BBS9: variants seen among roughly 807,000 people sequenced by gnomAD.
BBS9 encodes protein PTHB1.
Under a neutral mutation model 117.7 loss-of-function variants are expected in BBS9, and 89 were observed. That is an observed-to-expected ratio of 0.76 (90% CI 0.64 to 0.90). The LOEUF is 0.90. Among genes scored for constraint, BBS9 ranks in the 40% least tolerant of loss-of-function variants. The pLI is 0.00. For missense variants in BBS9, 982 were observed against 1,042.2 expected (o/e 0.94, Z 0.80); for synonymous variants, 379 against 370.9 (o/e 1.02, Z -0.25).
intron 19 of BBS9, among the ~76,000 whole-genome samples, chr7:33,413,801 C>G (rs943591487): frequency 6.6e-6 from 1 of 152,162 alleles, no homozygotes; most frequent in Non-Finnish European, 1.5e-5. Flanking sequence ...GCAGGCAGAT[C>G]ACCTGAGGTC....
chr7:33,555,620 T>C (rs1455572473), intron 21 of BBS9, among the ~76,000 whole-genome samples: 1 of 152,082 alleles, frequency 6.6e-6, no homozygotes, highest in African/African-American at 2.4e-5. Flanking sequence ...GATTTGGTAG[T>C]TGATTGGAGA....
chr7:33,622,371 A>T (rs79507572), intron 21 of BBS9, among the ~76,000 whole-genome samples: 2,374 of 152,258 alleles, frequency 0.016, 69 homozygotes, highest in African/African-American at 0.054. Flanking sequence ...TGGTTGAAGC[A>T]TACCAAGTTT....
chr7:33,553,469 C>G (rs1854783521), intron 21 of BBS9, among the ~76,000 whole-genome samples: 1 of 152,134 alleles, frequency 6.6e-6, no homozygotes, highest in African/African-American at 2.4e-5. Context: ...TCTGCTGTCT[C>G]CCTCCCATTT....
intron 12 of BBS9, among the ~76,000 whole-genome samples, chr7:33,345,752 C>T (rs1424368030): frequency 6.6e-6 from 1 of 152,156 alleles, no homozygotes; most frequent in African/African-American, 2.4e-5. Context: ...ATGATTTGTA[C>T]TTTTGTATAG....
chr7:33,319,393 T>A (rs1039327540), intron 9 of BBS9, among the ~76,000 whole-genome samples: 2 of 152,184 alleles, frequency 1.3e-5, no homozygotes. Flanking sequence ...TGACTTCTTT[T>A]CCTCTGGGTA....
chr7:33,144,946 G>T (rs4720104), intron 1 of BBS9, among the ~76,000 whole-genome samples: 1 of 152,100 alleles, frequency 6.6e-6, no homozygotes, highest in Non-Finnish European at 1.5e-5. Context: ...CATGAAATTA[G>T]ATAAGGTTAG....
intron 20 of BBS9, among the ~76,000 whole-genome samples, chr7:33,511,621 C>T (rs1484144076): frequency 6.6e-6 from 1 of 152,138 alleles, no homozygotes; most frequent in Admixed American, 6.6e-5. Context: ...TAAAAATCCC[C>T]TGGGAAAGTT....
intron 9 of BBS9, among the ~76,000 whole-genome samples, chr7:33,292,639 G>T (rs1804302787): frequency 6.6e-6 from 1 of 152,124 alleles, no homozygotes; most frequent in Admixed American, 6.6e-5. Flanking sequence ...GGTGATAATT[G>T]CAATTTGAAC....
At chr7:33,493,496 T>C (rs1844304650) in intron 19 of BBS9, among the ~76,000 whole-genome samples, 1 of 152,188 alleles carries the variant, frequency 6.6e-6, no homozygotes, top group African/African-American at 2.4e-5. Context: ...CCTCTCTCCC[T>C]GATTCTAATG....
chr7:33,574,328 A>C (rs1243097462), intron 21 of BBS9, among the ~76,000 whole-genome samples: 2 of 152,132 alleles, frequency 1.3e-5, no homozygotes, highest in Non-Finnish European at 2.9e-5. Flanking sequence ...GGTCAGTGGT[A>C]AGCAGCAGAT....
At chr7:33,378,560 T>C (rs1016189729) in intron 17 of BBS9, among the ~76,000 whole-genome samples, 8 of 152,166 alleles carry the variant, frequency 5.3e-5, no homozygotes, top group African/African-American at 1.9e-4. Context: ...CCTGTTGAGG[T>C]AATCCAAATT....
chr7:33,177,044 AG>A (rs1216532742), intron 4 of BBS9, among the ~76,000 whole-genome samples: 1 of 152,104 alleles, frequency 6.6e-6, no homozygotes, highest in East Asian at 1.9e-4. Flanking sequence ...ATATTTTGAG[AG>A]TTGGGGTAGG....
intron 10 of BBS9, among the ~76,000 whole-genome samples, chr7:33,337,977 A>G (rs1421144850): frequency 6.6e-6 from 1 of 151,948 alleles, no homozygotes; most frequent in Non-Finnish European, 1.5e-5. Flanking sequence ...AAAATCCCTT[A>G]CAGCTAAAAG....
chr7:33,191,408 A>G (rs989344275), intron 5 of BBS9, among the ~76,000 whole-genome samples: 4 of 152,218 alleles, frequency 2.6e-5, no homozygotes, highest in Non-Finnish European at 4.4e-5. Flanking sequence ...GTTCTGTAGC[A>G]TTAATGAAAG....
At chr7:33,546,996 T>C (rs982737731) in intron 21 of BBS9, among the ~76,000 whole-genome samples, 1 of 152,168 alleles carries the variant, frequency 6.6e-6, no homozygotes, top group African/African-American at 2.4e-5. Context: ...CACACACATA[T>C]AGTTCATGCC....
intron 13 of BBS9, among the ~76,000 whole-genome samples, chr7:33,350,622 C>T (rs76745139): frequency 0.011 from 1,716 of 152,288 alleles, 41 homozygotes; most frequent in African/African-American, 0.04. Context: ...ACCGTTTTCT[C>T]TGTTCATGCT....
At chr7:33,341,724 C>T (rs1037170287) in intron 11 of BBS9, among the ~76,000 whole-genome samples, 1 of 151,988 alleles carries the variant, frequency 6.6e-6, no homozygotes, top group Non-Finnish European at 1.5e-5. Flanking sequence ...TTAGTGCTTG[C>T]CAAATAATGG....
chr7:33,503,340 A>G (rs1266548310), intron 19 of BBS9, among the ~76,000 whole-genome samples: 2 of 152,180 alleles, frequency 1.3e-5, no homozygotes, highest in African/African-American at 4.8e-5. Flanking sequence ...GTGAAAGAAA[A>G]TATCAACTAA....
chr7:33,263,323 C>T (rs1322057628), intron 6 of BBS9, among the ~76,000 whole-genome samples: 2 of 152,084 alleles, frequency 1.3e-5, no homozygotes, highest in Admixed American at 1.3e-4. Flanking sequence ...TGCCTTCATT[C>T]AGGTCCCTGA....
Sources: gnomAD v4.1 joint callset for allele counts (sites outside exome capture counted in the v4.1 genomes callset) on GRCh38, gnomAD v4.1.1 for gene constraint, MANE v1.5 for transcripts, NCBI Gene and HGNC (gene_info 2026-07-23, HGNC 2026-07-21) for gene names.